Variants in PKHD1L1 observed in about 807,000 individuals in gnomAD.
PKHD1L1 encodes the protein fibrocystin-L.
A neutral mutation model predicts 462.9 loss-of-function variants in PKHD1L1; 434 were observed. The observed-to-expected ratio is 0.94, with a 90% confidence interval of 0.87 to 1.02. The LOEUF (loss-of-function observed/expected upper bound fraction) is 1.02. Ranked by LOEUF, PKHD1L1 falls within the 50% of genes least tolerant of loss-of-function variation. PKHD1L1 has a pLI of 0.00. For synonymous variants in PKHD1L1, 1,781 were observed against 1,750.0 expected, an observed-to-expected ratio of 1.02 and a Z score of -0.44; for missense variants, 5,202 against 5,096.1, an observed-to-expected ratio of 1.02 and a Z score of -0.63.
At chr8:109,451,992 A>G (rs749439423) in intron 41 of PKHD1L1, 132 bp from the exon 42 acceptor site, 97 of 724,016 alleles carry the variant, frequency 1.3e-4, no homozygotes, top group Non-Finnish European at 9.3e-5. Flanking sequence ...AAAAGCATCA[A>G]TCTACACTTT....
At chr8:109,484,585 A>G (rs937789154) in intron 57 of PKHD1L1, among the ~76,000 whole-genome samples, 10 of 151,954 alleles carry the variant, frequency 6.6e-5, no homozygotes, top group African/African-American at 2.2e-4. Context: ...GAGGAGCTCA[A>G]TATACAAAGT....
chr8:109,491,247 C>A, intron 61 of PKHD1L1, 146 bp downstream of exon 61: 1 of 827,134 alleles, frequency 1.2e-6, no homozygotes, highest in Non-Finnish European at 1.7e-6. Flanking sequence ...ATTACTAAGT[C>A]ATATGTGTCT....
chr8:109,449,259 A>AAT, intron 39 of PKHD1L1, 79 bp from the exon 40 acceptor site: 2 of 1,355,868 alleles, frequency 1.5e-6, no homozygotes, highest in South Asian at 3.5e-5. Flanking sequence ...TAACATTTAA[A>AAT]ATAAAGGTAA....
chr8:109,513,435 A>G lies in PKHD1L1; in HGVS notation c.11554-1735A>G, dbSNP rs187129958. On this transcript the variant is annotated intron_variant, in intron 71 of 77. Transcript: ENST00000378402. ...CTTTGAAATTTACTTCAGAGACTGC[A>G]GCATGTTATTTTTAATATCTTCAAT... is the stretch of plus-strand genomic sequence containing the variant. 3.7e-3 allele frequency among the ~76,000 whole-genome samples: 568 copies of G among 152,286 alleles called. 2 individuals carry two copies. The highest frequency in any genetic ancestry group is 6.8e-3 in the Middle Eastern group (2 of 294).
Position 109,427,004 on chromosome 8 carries a change from C to T in PKHD1L1, c.2848C>T (p.Leu950Phe), listed in dbSNP as rs773111841. 9.2e-6 allele frequency: 14 copies of T among 1,516,180 alleles called. No homozygotes were observed. Among genetic ancestry groups the T allele is most frequent in the Non-Finnish European group, 1.2e-5 (13 of 1,090,922 alleles). 93.9% of individuals were successfully genotyped at this position (1,516,180 alleles called of 1,614,324 possible). The change falls in exon 25 of 78, where the codon CTC becomes TTC. Residue 950 changes from leucine (L) to phenylalanine (F), a missense_variant and splice_region_variant. By Grantham distance (22) the Leu-to-Phe change is conservative. Around this residue, in one of 3 missense-constraint regions of PKHD1L1, gnomAD observed 4,497 missense variants for 4,336.8 expected, o/e 1.04. Coordinates refer to ENST00000378402, the MANE Select transcript of PKHD1L1 (RefSeq NM_177531.6). ...TTGCCACCCCTCTGTGAGTGCAGGC[C>T]TCCCCGCTGCTGTGTCAGCTGCAGA... The part of the protein sequence containing the change: ...IQAYGHILKG[L>F]PAAVSAADLQ...
chr8:109,509,255 A>G (rs1009703031), intron 70 of PKHD1L1, among the ~76,000 whole-genome samples: 2 of 152,032 alleles, frequency 1.3e-5, no homozygotes, highest in East Asian at 1.9e-4. Flanking sequence ...TTCGGATTGT[A>G]TGAAGCAGAG....
chr8:109,458,275 T>C (rs1816927723), intron 46 of PKHD1L1, among the ~76,000 whole-genome samples: 1 of 152,286 alleles, frequency 6.6e-6, no homozygotes, highest in South Asian at 2.1e-4. Context: ...CCTTGGCATG[T>C]CTCTCAGCTT....
In PKHD1L1 at chr8:109,493,719, C is replaced by T; in HGVS notation, c.10295C>T (p.Ala3432Val). 6.2e-7 allele frequency: 1 copy of T among 1,609,150 alleles called. No individual in the cohort carries two copies. The highest frequency in any genetic ancestry group is 8.5e-7 in the Non-Finnish European group (1 of 1,177,420). Residue 3432 changes from alanine (A) to valine (V), a missense_variant, in exon 63 of 78, where the codon GCA (alanine) becomes GTA (valine). Ala to Val is a moderately conservative substitution (Grantham distance 64). Coordinates refer to ENST00000378402, the MANE Select transcript of PKHD1L1 (RefSeq NM_177531.6). ...AATGTAGTGGCTGGATTTGGAAGAG[C>T]AGGATACCGCATTGATGGTGAACCT... ...QNNVVAGFGR[A>V]GYRIDGEPCP... is the part of the protein sequence containing the mutation.
At chr8:109,454,677 T>C in intron 44 of PKHD1L1, 46 bp from the exon 45 acceptor site, 1 of 1,599,922 alleles carries the variant, frequency 6.3e-7, no homozygotes, top group Non-Finnish European at 8.5e-7. Context: ...GAATTGTGGA[T>C]TTGGGGTTTT....
At position 109,497,242 on chromosome 8, in the gene PKHD1L1, C is replaced by A. The variant is rs1563610912; in HGVS notation, c.10569C>A (p.His3523Gln). ...TTTACATGCCAGCTGCTATATCACA[C>A]AAAATTTCCAGTAAAAATGTACAAA... Reference protein sequence around the residue: ...PMIYMPAAISHKISSKNVQIK... With the variant: ...PMIYMPAAISQKISSKNVQIK... Residue 3523 changes from histidine to glutamine, a missense_variant, in exon 65 of 78, where the codon CAC (histidine) becomes CAA (glutamine). His to Gln is a conservative substitution (Grantham distance 24). Around this residue, in one of 3 missense-constraint regions of PKHD1L1, gnomAD observed 4,497 missense variants for 4,336.8 expected, o/e 1.04. Coordinates refer to ENST00000378402, the MANE Select transcript of PKHD1L1 (RefSeq NM_177531.6). 3 of 1,613,120 alleles carry A rather than the reference C, an allele frequency of 1.9e-6. No individual in the cohort carries two copies. Among genetic ancestry groups the A allele is most frequent in the South Asian group, 2.2e-5 (2 of 91,040 alleles).
chr8:109,420,707 G>A lies in PKHD1L1; in HGVS notation c.2697+17G>A, dbSNP rs376966085. ...TTTGGGCAGGTAAGCCTAGAATTTT[G>A]CATTAATTTTTATGTAGTGAATTTT... On this transcript the variant is annotated intron_variant, in intron 23 of 77. Coordinates refer to ENST00000378402, the MANE Select transcript of PKHD1L1 (RefSeq NM_177531.6). 223 of 1,492,370 alleles carry A rather than the reference G, an allele frequency of 1.5e-4. No individual in the cohort carries two copies. The highest frequency in any genetic ancestry group is 1.9e-4 in the Non-Finnish European group (211 of 1,121,990). 92.4% of individuals were successfully genotyped at this position (1,492,370 alleles called of 1,614,324 possible).
intron 77 of PKHD1L1, 115 bp from the exon 78 acceptor site, chr8:109,529,965 A>T: frequency 1.7e-6 from 1 of 584,956 alleles, no homozygotes. Context: ...AAACTTGGAA[A>T]TACTGCTAAC....
In PKHD1L1 at chr8:109,465,207, A is replaced by G; in HGVS notation, c.8375A>G (p.His2792Arg). 6.2e-7 allele frequency: 1 copy of G among 1,613,660 alleles called. No individual in the cohort carries two copies. The highest frequency in any genetic ancestry group is 8.5e-7 in the Non-Finnish European group (1 of 1,179,712). The stretch of plus-strand genomic sequence containing the variant: ...AACAAGGCTGGCTTTCGCTGGGAAC[A>G]TGAAATGGTAATGATTGATGTTGAT... The part of the protein sequence containing the change: ...TPNKAGFRWE[H>R]EMVMIDVDGS... The change falls in exon 49 of 78, where the codon CAT becomes CGT. Residue 2792 changes from histidine to arginine, a missense_variant. Around this residue, in one of 3 missense-constraint regions of PKHD1L1, gnomAD observed 4,497 missense variants for 4,336.8 expected, o/e 1.04. Coordinates refer to ENST00000378402, the MANE Select transcript of PKHD1L1 (RefSeq NM_177531.6).
intron 71 of PKHD1L1, among the ~76,000 whole-genome samples, chr8:109,511,426 T>C (rs1391406417): frequency 1.4e-5 from 2 of 145,838 alleles, no homozygotes; most frequent in East Asian, 4.2e-4. Flanking sequence ...TTCCCACCTA[T>C]GAGTGAGAAT....
chr8:109,429,391 A>G lies in PKHD1L1; in HGVS notation c.3052A>G (p.Ile1018Val), dbSNP rs372629402. 7.0e-6 allele frequency: 11 copies of G among 1,581,720 alleles called. No individual in the cohort carries two copies. The highest frequency in any genetic ancestry group is 1.3e-5 in the African/African-American group (1 of 74,220). ...AAAGGCTAATATGACAGTTACAAGG[A>G]TAAAGGAAGGTGGCTTATTCAGACA... Reference protein sequence around the residue: ...GEKANMTVTRIKEGGLFRQHV... With the variant: ...GEKANMTVTRVKEGGLFRQHV... The change falls in exon 26 of 78, where the codon ATA becomes GTA. Residue 1018 changes from isoleucine to valine, a missense_variant. Coordinates refer to ENST00000378402, the MANE Select transcript of PKHD1L1 (RefSeq NM_177531.6).
chr8:109,363,136 G>A (rs1811062028), intron 1 of PKHD1L1, among the ~76,000 whole-genome samples: 2 of 152,164 alleles, frequency 1.3e-5, no homozygotes, highest in Non-Finnish European at 2.9e-5. Context: ...TGTTTTCAAA[G>A]TAATACCCAG....
At chr8:109,483,132 A>G in intron 57 of PKHD1L1, 27 bp downstream of exon 57, 1 of 1,511,634 alleles carries the variant, frequency 6.6e-7, no homozygotes. Context: ...TGTAATGGAA[A>G]ATGAATATAC....
intron 46 of PKHD1L1, among the ~76,000 whole-genome samples, chr8:109,459,284 A>G (rs1007155037): frequency 6.6e-6 from 1 of 152,138 alleles, no homozygotes; most frequent in Non-Finnish European, 1.5e-5. Context: ...ATCATCCTCA[A>G]TTGAGAACCA....
intron 50 of PKHD1L1, among the ~76,000 whole-genome samples, chr8:109,473,210 C>A (rs1817811851): frequency 6.6e-6 from 1 of 152,032 alleles, no homozygotes; most frequent in Non-Finnish European, 1.5e-5. Flanking sequence ...CAATCCCAAG[C>A]ATCAGAAAAC....
Sources: gnomAD v4.1 joint callset for allele counts (sites outside exome capture counted in the v4.1 genomes callset) on GRCh38, gnomAD v4.1.1 for gene constraint, gnomAD v4.1.1 regional missense constraint, MANE v1.5 for transcripts, NCBI Gene and HGNC (gene_info 2026-07-23, HGNC 2026-07-21) for gene names.